The following SLC24A3 variants were observed in gnomAD, a reference collection of about 807,000 sequenced individuals.
SLC24A3 encodes the protein sodium/potassium/calcium exchanger 3.
Under a neutral mutation model 75.8 loss-of-function variants are expected in SLC24A3, and 28 were observed. The observed-to-expected ratio is 0.37, with a 90% confidence interval of 0.27 to 0.51. The LOEUF (loss-of-function observed/expected upper bound fraction) is 0.51, where lower values mean the gene tolerates loss of function less well. Ranked by LOEUF, SLC24A3 falls within the 20% of genes least tolerant of loss-of-function variation. The pLI is 0.94. For synonymous variants in SLC24A3, 372 were observed against 334.1 expected (o/e 1.11, Z -1.24); for missense variants, 663 against 847.8 (o/e 0.78, Z 2.71).
intron 6 of SLC24A3, among the ~76,000 whole-genome samples, chr20:19,646,680 A>G (rs1055200023): frequency 2.6e-5 from 4 of 152,182 alleles, no homozygotes; most frequent in African/African-American, 9.7e-5. Context: ...ATCAAGAGGG[A>G]GAACAGTCAT....
chr20:19,523,886 A>T (rs6136763), intron 3 of SLC24A3, among the ~76,000 whole-genome samples: 4 of 151,860 alleles, frequency 2.6e-5, no homozygotes, highest in Non-Finnish European at 5.9e-5. Flanking sequence ...CCCAACTTTA[A>T]AGTTCCAGCC....
At position 19,367,201 on chromosome 20, in the gene SLC24A3, T is replaced by C. The variant is rs556520787; in HGVS notation, c.271+86114T>C. On this transcript the variant is annotated intron_variant, in intron 2 of 16. Transcript: ENST00000328041. ...GCTCCCAAGTTGGACAGCACAGAAG[T>C]GGACAGAAGGAAGTGGAGTTGCCTG... 7.2e-5 allele frequency among the ~76,000 whole-genome samples: 11 copies of C among 152,318 alleles called. No individual in the cohort carries two copies. The East Asian group carries it at 2.1e-3, about 29-fold the overall frequency.
At chr20:19,435,575 G>C (rs941976890) in intron 2 of SLC24A3, among the ~76,000 whole-genome samples, 13 of 152,148 alleles carry the variant, frequency 8.5e-5, no homozygotes, top group African/African-American at 3.1e-4. Context: ...GTATCCCAGG[G>C]CAATTAGTAT....
At chr20:19,286,637 C>A (rs1198632295) in intron 2 of SLC24A3, among the ~76,000 whole-genome samples, 1 of 152,092 alleles carries the variant, frequency 6.6e-6, no homozygotes. Context: ...TGCTCAATAC[C>A]CATTAATAAT....
intron 7 of SLC24A3, among the ~76,000 whole-genome samples, chr20:19,656,389 T>TGTCAC (rs2032266268): frequency 1.2e-5 from 1 of 84,060 alleles, no homozygotes; most frequent in Non-Finnish European, 2.8e-5. Flanking sequence ...GAGAGGTTCA[T>TGTCAC]GCTGGAACTG....
intron 2 of SLC24A3, among the ~76,000 whole-genome samples, chr20:19,465,720 A>G (rs1416444661): frequency 1.3e-5 from 2 of 152,150 alleles, no homozygotes; most frequent in Non-Finnish European, 2.9e-5. Context: ...CAGAAAATGT[A>G]CAGGCAAAGT....
chr20:19,276,088 C>A (rs973120132), intron 1 of SLC24A3, among the ~76,000 whole-genome samples: 1 of 152,068 alleles, frequency 6.6e-6, no homozygotes, highest in Non-Finnish European at 1.5e-5. Flanking sequence ...GAGAGGTGAG[C>A]GAGGGGAGAG....
intron 8 of SLC24A3, among the ~76,000 whole-genome samples, chr20:19,671,793 T>C (rs1204928754): frequency 6.6e-6 from 1 of 151,988 alleles, no homozygotes; most frequent in African/African-American, 2.4e-5. Flanking sequence ...GATGTGTAAA[T>C]TGGGGGTCAT....
intron 2 of SLC24A3, among the ~76,000 whole-genome samples, chr20:19,327,755 T>C: frequency 6.6e-6 from 1 of 152,214 alleles, no homozygotes; most frequent in East Asian, 1.9e-4. Context: ...CCTTCTTGTT[T>C]TGTCTCCATT....
Position 19,281,078 on chromosome 20 carries a change from A to T in SLC24A3, c.262A>T (p.Thr88Ser). 2 of 1,614,150 alleles carry T rather than the reference A, an allele frequency of 1.2e-6. No homozygotes were observed. The highest frequency in any genetic ancestry group is 1.7e-6 in the Non-Finnish European group (2 of 1,180,006). The change falls in exon 2 of 17, where the codon ACC becomes TCC. Residue 88 changes from threonine (T) to serine (S), a missense_variant. Physicochemically the swap from Thr to Ser is moderately conservative, Grantham distance 58. This residue lies in a region of SLC24A3 where 153 missense variants were observed against 144.2 expected (regional missense o/e 1.06). Coordinates refer to ENST00000328041, the MANE Select transcript of SLC24A3 (RefSeq NM_020689.4). ...DAGLRNSKNCTEPALHEFPND... is the reference protein window; with the variant it reads ...DAGLRNSKNCSEPALHEFPND... ...CGGACTCCGGAACAGCAAGAACTGC[A>T]CCGAACCAGGTAACAGTGCTGACTA...
chr20:19,325,479 C>T (rs981759435), intron 2 of SLC24A3, among the ~76,000 whole-genome samples: 2 of 151,148 alleles, frequency 1.3e-5, no homozygotes, highest in African/African-American at 4.9e-5. Flanking sequence ...GAAAGGGAAT[C>T]CAGACCACAG....
rs1367877695 is a variant in SLC24A3 at position 19,693,264 on chromosome 20, A to G, written c.1330A>G (p.Lys444Glu). 1 of 1,606,594 alleles carries G rather than the reference A, an allele frequency of 6.2e-7. No homozygotes were observed. The highest frequency in any genetic ancestry group is 8.5e-7 in the Non-Finnish European group (1 of 1,176,968). Reference sequence around the variant, plus strand: ...GGCCTTTTTCATTTTTCCAGCGGGTAAACTGGAAACAGTGAAATGGGCGTT... The same window carrying G: ...GGCCTTTTTCATTTTTCCAGCGGGTGAACTGGAAACAGTGAAATGGGCGTT... ...PYTPFDTPSGKLETVKWAFTW... is the reference protein window; with the variant it reads ...PYTPFDTPSGELETVKWAFTW... The change falls in exon 13 of 17, where the codon AAA becomes GAA. Residue 444 changes from lysine to glutamate, a missense_variant. This residue lies in a region of SLC24A3 where 510 missense variants were observed against 703.6 expected (regional missense o/e 0.72). Coordinates refer to ENST00000328041, the MANE Select transcript of SLC24A3 (RefSeq NM_020689.4).
chr20:19,698,611 G>A lies in SLC24A3; in HGVS notation c.1650G>A (p.Val550=), dbSNP rs200143640. The stretch of plus-strand genomic sequence containing the variant: ...TGTCCAACTCCATTGGGAGCAACGT[G>A]TTTGACATCCTGATTGGCCTCGGTC... ...MAVSNSIGSN[V]FDILIGLGLP... is the part of the protein sequence containing the mutation. The change falls in exon 15 of 17, where the codon GTG becomes GTA. Residue 550 remains valine, a synonymous_variant. Coordinates refer to ENST00000328041, the MANE Select transcript of SLC24A3 (RefSeq NM_020689.4). The A allele has an allele frequency of 1.9e-6, 3 of 1,596,004 alleles. No individual in the cohort carries two copies. The highest frequency in any genetic ancestry group is 1.7e-5 in the Admixed American group (1 of 58,332).
chr20:19,402,353 TG>T (rs1390139083), intron 2 of SLC24A3, among the ~76,000 whole-genome samples: 5 of 152,170 alleles, frequency 3.3e-5, no homozygotes, highest in Admixed American at 6.5e-5. Context: ...GAAGGATGAA[TG>T]GAGATATTAG....
intron 1 of SLC24A3, among the ~76,000 whole-genome samples, chr20:19,259,821 C>T (rs1238959893): frequency 6.6e-6 from 1 of 152,228 alleles, no homozygotes; most frequent in Non-Finnish European, 1.5e-5. Context: ...ACATTTCACT[C>T]TATTTATAGT....
At chr20:19,219,250 A>G (rs1981644604) in intron 1 of SLC24A3, among the ~76,000 whole-genome samples, 2 of 151,942 alleles carry the variant, frequency 1.3e-5, no homozygotes, top group Non-Finnish European at 2.9e-5. Flanking sequence ...GACGGCCCAC[A>G]CTATCCCTTA....
At chr20:19,314,825 T>C (rs958330522) in intron 2 of SLC24A3, among the ~76,000 whole-genome samples, 1 of 152,248 alleles carries the variant, frequency 6.6e-6, no homozygotes, top group African/African-American at 2.4e-5. Flanking sequence ...GGCCTTGGCC[T>C]GTCGGTGTGT....
chr20:19,387,025 C>T (rs562644909), intron 2 of SLC24A3, among the ~76,000 whole-genome samples: 4 of 152,196 alleles, frequency 2.6e-5, no homozygotes, highest in Admixed American at 6.5e-5. Flanking sequence ...TCTCCTTACT[C>T]GTTATTGGTC....
At chr20:19,250,489 C>G (rs781529288) in intron 1 of SLC24A3, among the ~76,000 whole-genome samples, 20 of 152,196 alleles carry the variant, frequency 1.3e-4, no homozygotes, top group Non-Finnish European at 2.4e-4. Flanking sequence ...TCAGCATCTT[C>G]TTTCTTCAGT....
Sources: gnomAD v4.1 joint callset for allele counts (sites outside exome capture counted in the v4.1 genomes callset) on GRCh38, gnomAD v4.1.1 for gene constraint, gnomAD v4.1.1 regional missense constraint, MANE v1.5 for transcripts, NCBI Gene and HGNC (gene_info 2026-07-23, HGNC 2026-07-21) for gene names.